The following PCDH17 variants were observed in gnomAD, a reference collection of about 807,000 sequenced individuals.
The protein encoded by PCDH17 is protocadherin-17.
Under a neutral mutation model 67.7 loss-of-function variants are expected in PCDH17, and 21 were observed. The observed-to-expected ratio is 0.31, with a 90% CI of 0.22 to 0.45. The LOEUF is 0.45. PCDH17 is among the 20% of genes least tolerant of loss of function. PCDH17 has a pLI of 1.00. For missense variants in PCDH17, 1,471 were observed against 1,564.8 expected, an observed-to-expected ratio of 0.94 and a Z score of 1.01; for synonymous variants, 701 against 656.7, an observed-to-expected ratio of 1.07 and a Z score of -1.03.
At position 57,727,978 on chromosome 13, in the gene PCDH17, T is replaced by C. The variant is rs1955927129; in HGVS notation, c.*2684T>C. 1 of 152,542 alleles carries C rather than the reference T, an allele frequency of 6.6e-6. No homozygotes were observed. Among genetic ancestry groups the C allele is most frequent in the Non-Finnish European group, 1.5e-5 (1 of 67,982 alleles). The allele number at this position is 152,542 out of a possible 1,614,324, so 9.4% of individuals were successfully genotyped here. ...CTGAGGACATTAAAACACCATAAGG[T>C]TGTAATAATTGGTTGTGCCAATGTG... On this transcript the variant is annotated 3_prime_UTR_variant, in exon 4 of 4. Transcript: ENST00000377918.
chr13:57,724,794 G>T lies in PCDH17; in HGVS notation c.2980G>T (p.Gly994Trp). 6.2e-7 allele frequency: 1 copy of T among 1,614,084 alleles called. No homozygotes were observed. The highest frequency in any genetic ancestry group is 8.5e-7 in the Non-Finnish European group (1 of 1,179,994). Residue 994 changes from glycine to tryptophan, a missense_variant, in exon 4 of 4, where the codon GGG becomes TGG. Gly to Trp is a radical substitution (Grantham distance 184, BLOSUM62 -2). This residue lies in a region of PCDH17 where 297 missense variants were observed against 298.6 expected (regional missense o/e 0.99). Coordinates refer to ENST00000377918, the MANE Select transcript of PCDH17 (RefSeq NM_001040429.3). Reference sequence around the variant, plus strand: ...GACTTACGAAACTGTGAATCCCACTGGGAAAAAGACTTTTTGTACATTTGG... The same window carrying T: ...GACTTACGAAACTGTGAATCCCACTTGGAAAAAGACTTTTTGTACATTTGG... Reference protein sequence around the residue: ...TETYETVNPTGKKTFCTFGKD... With the variant: ...TETYETVNPTWKKTFCTFGKD...
At chr13:57,683,996 G>T (rs1487452594) in intron 3 of PCDH17, among the ~76,000 whole-genome samples, 2 of 137,056 alleles carry the variant, frequency 1.5e-5, no homozygotes, top group East Asian at 4.1e-4. Flanking sequence ...TCTAAAGAGA[G>T]GGGTAATGTG....
chr13:57,633,062 G>A lies in PCDH17; in HGVS notation c.516G>A (p.Thr172=). The part of the protein sequence containing the change: ...GENGLRTYLL[T]RDDHGLFGLD... Reference sequence around the variant, plus strand: ...ATGGGCTCCGCACCTACCTGCTCACGCGCGACGATCACGGCCTCTTTGGAC... The same window carrying A: ...ATGGGCTCCGCACCTACCTGCTCACACGCGACGATCACGGCCTCTTTGGAC... The change falls in exon 1 of 4, where the codon ACG becomes ACA. Residue 172 remains threonine (T), a synonymous_variant. Coordinates refer to ENST00000377918, the MANE Select transcript of PCDH17 (RefSeq NM_001040429.3). This position sits in a 1 kb window ranked among gnomAD's most constrained non-coding sequence, Gnocchi z 6.2. 5.6e-6 allele frequency: 9 copies of A among 1,613,174 alleles called. No individual in the cohort carries two copies. Among genetic ancestry groups the A allele is most frequent in the Non-Finnish European group, 6.8e-6 (8 of 1,179,948 alleles).
chr13:57,682,712 C>A (rs1400814410), intron 3 of PCDH17, among the ~76,000 whole-genome samples: 1 of 151,614 alleles, frequency 6.6e-6, no homozygotes, highest in Non-Finnish European at 1.5e-5. Flanking sequence ...CCAAAGTATT[C>A]CCAATGACTA....
At position 57,634,549 on chromosome 13, in the gene PCDH17, A is replaced by G; in HGVS notation, c.2003A>G (p.His668Arg). The change falls in exon 1 of 4, where the codon CAC becomes CGC. Residue 668 changes from histidine to arginine, a missense_variant. Coordinates refer to ENST00000377918, the MANE Select transcript of PCDH17 (RefSeq NM_001040429.3). This position sits in a 1 kb window ranked among gnomAD's most constrained non-coding sequence, Gnocchi z 7.8. The stretch of plus-strand genomic sequence containing the variant: ...GAGCTGGTGGTGAAGGTGACCGACC[A>G]CGGCAAGCCTACCCTGTCCGCAGTG... ...VVELVVKVTD[H>R]GKPTLSAVAK... The G allele has an allele frequency of 1.2e-6, 2 of 1,613,006 alleles. No homozygotes were observed. The highest frequency in any genetic ancestry group is 1.7e-6 in the Non-Finnish European group (2 of 1,179,984).
At position 57,676,086 on chromosome 13, in the gene PCDH17, AT is replaced by A. The variant is rs200179183; in HGVS notation, c.2797+9255del. Among the ~76,000 whole-genome samples the A allele has an allele frequency of 1.2e-3, 175 of 152,076 alleles. 1 individual carries two copies. The East Asian group carries it at 0.028, about 24-fold the overall frequency. On this transcript the variant is annotated intron_variant, in intron 3 of 3. Coordinates refer to ENST00000377918, the MANE Select transcript of PCDH17 (RefSeq NM_001040429.3). The stretch of plus-strand genomic sequence containing the variant: ...TAATGTCTAACTAAATGGAATATTA[AT>A]TGAATTATTTAATGCCTTAATTAAG...
chr13:57,697,696 CTA>C (rs1472330338), intron 3 of PCDH17, among the ~76,000 whole-genome samples: 2 of 151,110 alleles, frequency 1.3e-5, no homozygotes, highest in Non-Finnish European at 3.0e-5. Flanking sequence ...AGAAAAAAGA[CTA>C]TAGATTACAA....
In PCDH17 at chr13:57,634,649, C is replaced by T. The variant is rs1954794071; in HGVS notation, c.2103C>T (p.His701=). ...GVPRVNGEQH[H]WDMSLPLIVT... Reference sequence around the variant, plus strand: ...CACGGGTGAATGGCGAGCAGCACCACTGGGACATGTCGCTGCCGCTCATCG... The same window carrying T: ...CACGGGTGAATGGCGAGCAGCACCATTGGGACATGTCGCTGCCGCTCATCG... The change falls in exon 1 of 4, where the codon CAC becomes CAT. Residue 701 remains histidine, a synonymous_variant. Transcript: ENST00000377918. This position sits in a 1 kb window ranked among gnomAD's most constrained non-coding sequence, Gnocchi z 7.8. The T allele has an allele frequency of 6.2e-7, 1 of 1,613,550 alleles. No individual in the cohort carries two copies.
chr13:57,633,673 T>C lies in PCDH17; in HGVS notation c.1127T>C (p.Val376Ala). ...GGCACCGTCATCGCCCTGGTGCGGG[T>C]CACTGACCGGGACTCTGGCAAGAAC... ...PPGTVIALVR[V>A]TDRDSGKNGQ... is the part of the protein sequence containing the mutation. Residue 376 changes from valine to alanine, a missense_variant, in exon 1 of 4, where the codon GTC (valine) becomes GCC (alanine). This residue lies in a region of PCDH17 where 1,163 missense variants were observed against 1,230.0 expected (regional missense o/e 0.95). Transcript: ENST00000377918. The surrounding 1 kb of genome is among the most constrained non-coding windows in gnomAD (Gnocchi z 6.2). 1 of 1,605,504 alleles carries C rather than the reference T, an allele frequency of 6.2e-7. No homozygotes were observed. The highest frequency in any genetic ancestry group is 1.3e-5 in the African/African-American group (1 of 75,008).
In PCDH17 at chr13:57,678,450, T is replaced by A. The variant is rs947314312; in HGVS notation, c.2797+11617T>A. Among the ~76,000 whole-genome samples, 22 of 151,584 alleles carry A rather than the reference T, an allele frequency of 1.5e-4. No individual in the cohort carries two copies. The Admixed American group carries it at 1.5e-3, about 10-fold the overall frequency. The stretch of plus-strand genomic sequence containing the variant: ...ATTCATTGAAGCATAATGGGGAGGC[T>A]AGCTTTAAAGTAAAGATAAACTCTT... On this transcript the variant is annotated intron_variant, in intron 3 of 3. Transcript: ENST00000377918.
intron 3 of PCDH17, among the ~76,000 whole-genome samples, chr13:57,683,293 C>T (rs9537775): frequency 0.43 from 65,570 of 151,476 alleles, 14,394 homozygotes; most frequent in Middle Eastern, 0.57. Context: ...TAAGAACTTC[C>T]ATCAGGTTTT....
rs372899000 is a variant in PCDH17 at position 57,681,903 on chromosome 13, A to G, written c.2797+15070A>G. On this transcript the variant is annotated intron_variant, in intron 3 of 3. Transcript: ENST00000377918. ...TAGAACTATCTCAGACTCTTCCAAG[A>G]TATCTACATTATACACACAAATTTA... Among the ~76,000 whole-genome samples, 26 of 151,938 alleles carry G rather than the reference A, an allele frequency of 1.7e-4. 2 individuals carry two copies. In the East Asian group the frequency reaches 3.1e-3, roughly 18 times the overall value.
chr13:57,642,537 G>A (rs1352182147), intron 1 of PCDH17, among the ~76,000 whole-genome samples: 1 of 151,366 alleles, frequency 6.6e-6, no homozygotes, highest in Non-Finnish European at 1.5e-5. Context: ...AACAACTATG[G>A]TATTTTAGAT....
rs771609808 is a variant in PCDH17, at chr13:57,633,567, C to G, written c.1021C>G (p.Leu341Val). The change falls in exon 1 of 4, where the codon CTC (leucine) becomes GTC (valine). Residue 341 changes from leucine (L) to valine (V), a missense_variant. Leu to Val is a conservative substitution (Grantham distance 32). Around this residue, in one of 3 missense-constraint regions of PCDH17, gnomAD observed 1,163 missense variants for 1,230.0 expected, o/e 0.95. Coordinates refer to ENST00000377918, the MANE Select transcript of PCDH17 (RefSeq NM_001040429.3). The surrounding 1 kb of genome is among the most constrained non-coding windows in gnomAD (Gnocchi z 6.2). ...IPAHCKVTVK[L>V]IDRNDNAPSI... Reference sequence around the variant, plus strand: ...AGCCCACTGCAAAGTCACGGTCAAGCTCATCGACCGCAACGACAATGCGCC... The same window carrying G: ...AGCCCACTGCAAAGTCACGGTCAAGGTCATCGACCGCAACGACAATGCGCC... The G allele has an allele frequency of 3.7e-6, 6 of 1,613,620 alleles. No individual in the cohort carries two copies.
intron 3 of PCDH17, among the ~76,000 whole-genome samples, chr13:57,682,646 G>T (rs183359496): frequency 1.3e-5 from 2 of 151,686 alleles, no homozygotes; most frequent in African/African-American, 4.8e-5. Context: ...GCACCAACTT[G>T]TCTCCACCAG....
At chr13:57,644,911 G>A (rs764404113) in intron 1 of PCDH17, among the ~76,000 whole-genome samples, 4 of 151,646 alleles carry the variant, frequency 2.6e-5, no homozygotes, top group Non-Finnish European at 5.9e-5. Context: ...GAGAAAGCAC[G>A]ACTTAGCCTA....
At chr13:57,662,403 G>T (rs1025781943) in intron 1 of PCDH17, among the ~76,000 whole-genome samples, 1 of 151,680 alleles carries the variant, frequency 6.6e-6, no homozygotes, top group South Asian at 2.1e-4. Flanking sequence ...ATTTATTTAG[G>T]CCCTTTAAAT....
intron 3 of PCDH17, among the ~76,000 whole-genome samples, chr13:57,718,139 A>G (rs1955838537): frequency 6.6e-6 from 1 of 152,102 alleles, no homozygotes; most frequent in African/African-American, 2.4e-5. Flanking sequence ...GGGAAATACA[A>G]TGCTATAGAA....
intron 1 of PCDH17, among the ~76,000 whole-genome samples, chr13:57,653,053 T>TA (rs746361820): frequency 1.1e-4 from 17 of 152,192 alleles, no homozygotes; most frequent in Non-Finnish European, 2.4e-4. Flanking sequence ...AGAGGTTCTC[T>TA]AGCTTTGTCT....
Sources: allele counts gnomAD v4.1 joint callset (sites outside exome capture counted in the v4.1 genomes callset), GRCh38; gene constraint gnomAD v4.1.1; regional missense constraint gnomAD v4.1.1; non-coding constraint Gnocchi (gnomAD v3.1); transcripts MANE v1.5; gene names NCBI Gene and HGNC (gene_info 2026-07-23, HGNC 2026-07-21).